The following ANO4 variants were observed in gnomAD, a reference collection of about 807,000 sequenced individuals.
The protein encoded by ANO4 is anoctamin 4, also known as anoctamin-4.
Under a neutral mutation model 141.9 loss-of-function variants are expected in ANO4, and 69 were observed. The ratio of observed to expected loss-of-function variants is 0.49; its 90% confidence interval spans 0.40 to 0.59. The LOEUF is 0.59. Among genes scored for constraint, ANO4 ranks in the 20% least tolerant of loss-of-function variants. The probability of loss-of-function intolerance (pLI) is 0.00; values close to 1 mark genes in which losing one functional copy is unlikely to be tolerated. For missense variants in ANO4, 894 were observed against 1,162.2 expected (o/e 0.77, Z 3.36); for synonymous variants, 350 against 394.3 (o/e 0.89, Z 1.33).
intron 3 of ANO4, among the ~76,000 whole-genome samples, chr12:100,756,950 C>T (rs2032639845): frequency 6.6e-6 from 1 of 152,184 alleles, no homozygotes; most frequent in East Asian, 1.9e-4. Flanking sequence ...TCTCTGACTT[C>T]CTTCTAGACA....
chr12:100,989,607 C>CTGGA (rs752280443), intron 8 of ANO4, among the ~76,000 whole-genome samples: 1 of 116,500 alleles, frequency 8.6e-6, no homozygotes, highest in Non-Finnish European at 1.8e-5. Context: ...GGATAGGTCA[C>CTGGA]TGGATGGATG....
At chr12:101,069,266 T>G (rs967922976) in intron 14 of ANO4, 17 of 1,060,182 alleles carry the variant, frequency 1.6e-5, no homozygotes, top group Non-Finnish European at 2.2e-5. Flanking sequence ...AAGAAATGAA[T>G]GTGAAAGAAA....
intron 7 of ANO4, among the ~76,000 whole-genome samples, chr12:100,984,446 C>T (rs1258785638): frequency 6.6e-6 from 1 of 152,162 alleles, no homozygotes; most frequent in Admixed American, 6.5e-5. Flanking sequence ...TGCTTTCCAT[C>T]ACTTTTATGT....
intron 1 of ANO4, among the ~76,000 whole-genome samples, chr12:100,861,256 G>A (rs916805340): frequency 6.6e-6 from 1 of 152,062 alleles, no homozygotes; most frequent in Admixed American, 6.6e-5. Flanking sequence ...GTCCCCATTC[G>A]ACCAGGATGT....
intron 5 of ANO4, among the ~76,000 whole-genome samples, chr12:100,967,571 ACACACACAC>A: frequency 8.4e-3 from 2 of 238 alleles, no homozygotes; most frequent in Non-Finnish European, 0.013. Context: ...TGTAAAGAGG[ACACACACAC>A]ACACACACAC....
chr12:100,814,959 G>A (rs2035647827), intron 1 of ANO4, among the ~76,000 whole-genome samples: 1 of 152,132 alleles, frequency 6.6e-6, no homozygotes, highest in Non-Finnish European at 1.5e-5. Context: ...AAGTTGGTGG[G>A]ACGAAGATGT....
chr12:101,048,243 A>T (rs570069685), intron 13 of ANO4, 98 bp from the exon 14 acceptor site: 1 of 1,369,212 alleles, frequency 7.3e-7, no homozygotes, highest in Non-Finnish European at 1.0e-6. Flanking sequence ...TGTAAAACTC[A>T]TTATATAATC....
chr12:101,037,333 A>T (rs369816626), intron 10 of ANO4, among the ~76,000 whole-genome samples, 183 bp downstream of exon 10: 1 of 152,146 alleles, frequency 6.6e-6, no homozygotes, highest in East Asian at 1.9e-4. Context: ...ACTTATTTCT[A>T]TATATCTTTT....
intron 12 of ANO4, 50 bp downstream of exon 12, chr12:101,042,518 G>A (rs1411742969): frequency 6.2e-7 from 1 of 1,606,714 alleles, no homozygotes; most frequent in South Asian, 1.1e-5. Context: ...CTTAGAGGTG[G>A]CTGTTTGCAC....
chr12:100,988,636 G>A (rs989759131), intron 8 of ANO4, among the ~76,000 whole-genome samples: 1 of 151,920 alleles, frequency 6.6e-6, no homozygotes, highest in Non-Finnish European at 1.5e-5. Flanking sequence ...ACTTTGGGAG[G>A]CAGAGGCAGG....
At chr12:100,974,707 T>C in intron 6 of ANO4, 138 bp from the exon 7 acceptor site, 1 of 883,844 alleles carries the variant, frequency 1.1e-6, no homozygotes, top group Non-Finnish European at 1.9e-6. Flanking sequence ...TATTTCTCAC[T>C]GTTAATCTCT....
At chr12:101,044,911 A>G (rs1346934851) in intron 13 of ANO4, among the ~76,000 whole-genome samples, 1 of 152,220 alleles carries the variant, frequency 6.6e-6, no homozygotes, top group African/African-American at 2.4e-5. Flanking sequence ...TGTCAGTAAT[A>G]TAATTTTGTT....
intron 3 of ANO4, among the ~76,000 whole-genome samples, chr12:100,788,195 T>C (rs567820946): frequency 2.0e-4 from 31 of 152,168 alleles, no homozygotes; most frequent in Non-Finnish European, 3.2e-4. Flanking sequence ...GTTGCCTAGA[T>C]TTCTGGGCTC....
chr12:100,987,459 C>A, intron 7 of ANO4, 80 bp from the exon 8 acceptor site: 6 of 1,541,706 alleles, frequency 3.9e-6, no homozygotes, highest in Non-Finnish European at 5.3e-6. Flanking sequence ...ATAGTTGTGG[C>A]TCTGCGGAGA....
At chr12:100,801,515 T>TA (rs397967785) in intron 1 of ANO4, among the ~76,000 whole-genome samples, 11 of 151,358 alleles carry the variant, frequency 7.3e-5, no homozygotes, top group Admixed American at 3.3e-4. Flanking sequence ...TTTTTTTTTT[T>TA]AAAAGCACAA....
At chr12:101,087,110 C>A (rs1486739961) in intron 17 of ANO4, among the ~76,000 whole-genome samples, 1 of 152,172 alleles carries the variant, frequency 6.6e-6, no homozygotes, top group East Asian at 1.9e-4. Flanking sequence ...ATATTGTGAA[C>A]CCCTTAAGTA....
chr12:100,729,440 A>T (rs564451451), intron 1 of ANO4, among the ~76,000 whole-genome samples: 1 of 151,038 alleles, frequency 6.6e-6, no homozygotes, highest in East Asian at 1.9e-4. Flanking sequence ...TTATATAAAT[A>T]CTTTCTCATG....
intron 4 of ANO4, among the ~76,000 whole-genome samples, chr12:100,940,322 A>G (rs1415376503): frequency 1.3e-5 from 2 of 152,166 alleles, no homozygotes; most frequent in East Asian, 1.9e-4. Context: ...TCAGACAGCA[A>G]CTTGTCTCAT....
intron 14 of ANO4, among the ~76,000 whole-genome samples, chr12:101,064,859 G>T (rs2048511402): frequency 6.6e-6 from 1 of 152,002 alleles, no homozygotes; most frequent in Non-Finnish European, 1.5e-5. Flanking sequence ...ATCTCACATT[G>T]TCCTGCTCCC....
Sources: allele counts gnomAD v4.1 joint callset (sites outside exome capture counted in the v4.1 genomes callset), GRCh38; gene constraint gnomAD v4.1.1; transcripts MANE v1.5; gene names NCBI Gene and HGNC (gene_info 2026-07-23, HGNC 2026-07-21).